The following PDE4D variants were observed in gnomAD, a reference collection of about 807,000 sequenced individuals.
PDE4D encodes the protein phosphodiesterase 4D.
A neutral mutation model predicts 87.4 loss-of-function variants in PDE4D; 24 were observed. The observed-to-expected ratio is 0.27, with a 90% CI of 0.20 to 0.39. The LOEUF (loss-of-function observed/expected upper bound fraction) is 0.39, where lower values mean the gene tolerates loss of function less well. Ranked by LOEUF, PDE4D falls within the 10% of genes least tolerant of loss-of-function variation. PDE4D has a pLI of 1.00. For synonymous variants in PDE4D, 384 were observed against 383.2 expected (o/e 1.00, Z -0.02); for missense variants, 714 against 1,041.0 (o/e 0.69, Z 4.32).
At chr5:59,719,012 A>G (rs945263462) in intron 1 of PDE4D, among the ~76,000 whole-genome samples, 2 of 152,072 alleles carry the variant, frequency 1.3e-5, no homozygotes, top group Non-Finnish European at 2.9e-5. Flanking sequence ...AGAATTAAAA[A>G]AAAAAAAAGC....
intron 1 of PDE4D, among the ~76,000 whole-genome samples, chr5:59,644,967 G>C (rs543496189): frequency 3.3e-5 from 5 of 152,294 alleles, no homozygotes; most frequent in South Asian, 4.1e-4. Context: ...GAGCCCAGCT[G>C]TTTGCCCCCT....
chr5:59,432,514 TTTAATAGG>T (rs1796251861), intron 1 of PDE4D, among the ~76,000 whole-genome samples: 2 of 152,152 alleles, frequency 1.3e-5, no homozygotes, highest in South Asian at 4.1e-4. Flanking sequence ...CATTTTTCCC[TTTAATAGG>T]CTATGGCAGT....
chr5:59,889,252 T>C (rs1750608125), intron 1 of PDE4D, among the ~76,000 whole-genome samples: 1 of 120,594 alleles, frequency 8.3e-6, no homozygotes, highest in Non-Finnish European at 1.7e-5. Flanking sequence ...AAAAAAAAGC[T>C]AATGTCAAGT....
chr5:60,455,504 A>C (rs1202534497), intron 1 of PDE4D, among the ~76,000 whole-genome samples: 1 of 152,178 alleles, frequency 6.6e-6, no homozygotes, highest in Admixed American at 6.6e-5. Flanking sequence ...GCCCATGTAA[A>C]ATTGCCTAGA....
intron 4 of PDE4D, among the ~76,000 whole-genome samples, chr5:59,183,557 T>C (rs1330060590): frequency 6.6e-6 from 1 of 152,134 alleles, no homozygotes; most frequent in Non-Finnish European, 1.5e-5. Context: ...AAAATCTCAG[T>C]TTCCTGGGTA....
chr5:59,576,699 A>G (rs900435637), intron 1 of PDE4D, among the ~76,000 whole-genome samples: 5 of 152,182 alleles, frequency 3.3e-5, no homozygotes, highest in Non-Finnish European at 4.4e-5. Context: ...AAGTTCTTTG[A>G]AGCAAAAGGT....
intron 1 of PDE4D, among the ~76,000 whole-genome samples, chr5:60,325,267 A>T (rs745777161): frequency 1.3e-5 from 2 of 152,206 alleles, no homozygotes; most frequent in Non-Finnish European, 2.9e-5. Flanking sequence ...AAGAAAAGCA[A>T]TTATAGGGGG....
At chr5:60,053,914 G>A (rs1175546336) in intron 2 of PDE4D, among the ~76,000 whole-genome samples, 5 of 152,148 alleles carry the variant, frequency 3.3e-5, no homozygotes, top group South Asian at 4.1e-4. Context: ...ACTTTTATGC[G>A]GCCAACAAAC....
At chr5:60,061,168 A>C (rs1771364101) in intron 2 of PDE4D, among the ~76,000 whole-genome samples, 1 of 152,150 alleles carries the variant, frequency 6.6e-6, no homozygotes, top group South Asian at 2.1e-4. Context: ...ACTTGATCCT[A>C]TATTTAGAAA....
At chr5:59,523,334 T>A (rs1238132013) in intron 1 of PDE4D, among the ~76,000 whole-genome samples, 2 of 152,256 alleles carry the variant, frequency 1.3e-5, no homozygotes, top group Non-Finnish European at 2.9e-5. Flanking sequence ...ATATCAGCTT[T>A]GAACCATGAA....
intron 2 of PDE4D, among the ~76,000 whole-genome samples, chr5:60,047,597 C>T (rs1769455783): frequency 6.6e-6 from 1 of 151,968 alleles, no homozygotes; most frequent in Admixed American, 6.6e-5. Flanking sequence ...CAAAGAACAT[C>T]TTAATTTCTG....
chr5:60,298,660 G>A (rs966926650), intron 1 of PDE4D, among the ~76,000 whole-genome samples: 3 of 152,010 alleles, frequency 2.0e-5, no homozygotes, highest in Admixed American at 1.3e-4. Context: ...TACTAAGAAC[G>A]ATTTGTGAAA....
At chr5:60,138,324 A>T (rs535420111) in intron 2 of PDE4D, among the ~76,000 whole-genome samples, 1 of 152,264 alleles carries the variant, frequency 6.6e-6, no homozygotes, top group South Asian at 2.1e-4. Context: ...CCTTGTTAAA[A>T]TATTGGGCAG....
At chr5:59,268,755 A>C (rs1763282253) in intron 1 of PDE4D, among the ~76,000 whole-genome samples, 1 of 152,032 alleles carries the variant, frequency 6.6e-6, no homozygotes. Context: ...TGACAATTCT[A>C]TATGTTTAGT....
At chr5:59,617,616 C>T (rs1829857349) in intron 1 of PDE4D, among the ~76,000 whole-genome samples, 1 of 152,112 alleles carries the variant, frequency 6.6e-6, no homozygotes, top group African/African-American at 2.4e-5. Context: ...CAAACACGTA[C>T]ACAGAAGGAA....
chr5:59,633,879 T>C (rs1022803014), intron 1 of PDE4D, among the ~76,000 whole-genome samples: 62 of 152,204 alleles, frequency 4.1e-4, no homozygotes, highest in African/African-American at 1.3e-3. Context: ...ATCAAATTCA[T>C]ACATAACAAT....
intron 1 of PDE4D, among the ~76,000 whole-genome samples, chr5:59,400,893 C>T (rs383444): frequency 0.42 from 63,815 of 151,844 alleles, 13,701 homozygotes; most frequent in East Asian, 0.49. Flanking sequence ...TTTTAGGTAC[C>T]ATTATGTATG....
At chr5:59,058,806 T>A (rs867296240) in intron 5 of PDE4D, among the ~76,000 whole-genome samples, 2 of 152,194 alleles carry the variant, frequency 1.3e-5, no homozygotes, top group Middle Eastern at 6.8e-3. Context: ...TAAGTTTAAG[T>A]CTTCCTTTTA....
At chr5:59,275,986 C>T (rs1356246257) in intron 1 of PDE4D, 4 of 985,150 alleles carry the variant, frequency 4.1e-6, no homozygotes, top group African/African-American at 1.7e-5. Flanking sequence ...AAAGTAATTT[C>T]TGTGTGTCCC....
Sources: gnomAD v4.1 joint callset for allele counts (sites outside exome capture counted in the v4.1 genomes callset) on GRCh38, gnomAD v4.1.1 for gene constraint, MANE v1.5 for transcripts, NCBI Gene and HGNC (gene_info 2026-07-23, HGNC 2026-07-21) for gene names.